AGBL1: variants seen among roughly 807,000 people sequenced by gnomAD.
The protein encoded by AGBL1 is cytosolic carboxypeptidase 4.
In AGBL1, 130 loss-of-function variants were observed where a neutral mutation model predicts 118.9. The observed-to-expected ratio is 1.09, with a 90% CI of 0.95 to 1.26. The LOEUF (loss-of-function observed/expected upper bound fraction) is 1.26. Ranked by LOEUF, AGBL1 falls within the 50% of genes most tolerant of loss-of-function variation. The pLI, the probability that AGBL1 is intolerant of heterozygous loss-of-function variation, is 0.00. For synonymous variants in AGBL1, 555 were observed against 478.9 expected, an observed-to-expected ratio of 1.16 and a Z score of -2.08; for missense variants, 1,584 against 1,298.1, an observed-to-expected ratio of 1.22 and a Z score of -3.38.
At chr15:86,505,645 T>C (rs866465198) in intron 18 of AGBL1, among the ~76,000 whole-genome samples, 14 of 152,168 alleles carry the variant, frequency 9.2e-5, no homozygotes, top group Admixed American at 5.2e-4. Flanking sequence ...TGATAGTTTC[T>C]ATTTGCTGAG....
At chr15:86,735,237 G>C (rs1333900415) in intron 22 of AGBL1, among the ~76,000 whole-genome samples, 1 of 151,884 alleles carries the variant, frequency 6.6e-6, no homozygotes, top group Non-Finnish European at 1.5e-5. Context: ...ACCCGACACC[G>C]TGCCCAGCTA....
At chr15:86,154,963 C>T (rs913825496) in intron 4 of AGBL1, among the ~76,000 whole-genome samples, 1 of 152,052 alleles carries the variant, frequency 6.6e-6, no homozygotes, top group Admixed American at 6.5e-5. Context: ...AATCTCCCTA[C>T]CATATTCCTG....
At chr15:86,835,578 A>G (rs1295233440) in intron 22 of AGBL1, among the ~76,000 whole-genome samples, 1 of 152,182 alleles carries the variant, frequency 6.6e-6, no homozygotes, top group Non-Finnish European at 1.5e-5. Context: ...AGGTTCAAAA[A>G]AAGGGAGGAG....
At chr15:86,453,087 T>G (rs1330637171) in intron 18 of AGBL1, among the ~76,000 whole-genome samples, 2 of 152,216 alleles carry the variant, frequency 1.3e-5, no homozygotes, top group Admixed American at 6.5e-5. Context: ...TTCGCCCTTT[T>G]CTCTATGGTA....
intron 23 of AGBL1, among the ~76,000 whole-genome samples, chr15:86,976,907 G>T (rs1278273004): frequency 2.0e-5 from 3 of 151,864 alleles, no homozygotes; most frequent in Non-Finnish European, 4.4e-5. Flanking sequence ...TCTTCTTAGT[G>T]ATTTATAAAT....
intron 22 of AGBL1, among the ~76,000 whole-genome samples, chr15:86,810,977 A>C (rs2078780692): frequency 6.6e-6 from 1 of 152,218 alleles, no homozygotes; most frequent in African/African-American, 2.4e-5. Flanking sequence ...CAGAGGAAGC[A>C]ACACATGAGC....
At chr15:86,178,297 G>C (rs2077508991) in intron 5 of AGBL1, among the ~76,000 whole-genome samples, 2 of 152,138 alleles carry the variant, frequency 1.3e-5, no homozygotes, top group Non-Finnish European at 2.9e-5. Context: ...CGATGACAGA[G>C]CGAGACTCTG....
intron 21 of AGBL1, among the ~76,000 whole-genome samples, chr15:86,645,251 G>C (rs1368526092): frequency 2.6e-5 from 4 of 152,148 alleles, no homozygotes; most frequent in South Asian, 2.1e-4. Flanking sequence ...TTTTAAAATA[G>C]TTTGGTAAAA....
At chr15:86,436,134 A>C in intron 18 of AGBL1, among the ~76,000 whole-genome samples, 1 of 122,664 alleles carries the variant, frequency 8.2e-6, no homozygotes, top group Non-Finnish European at 1.6e-5. Context: ...TGAAATCCTC[A>C]ATTCTAAGCC....
chr15:86,194,878 T>C (rs1322631714), intron 5 of AGBL1, among the ~76,000 whole-genome samples: 1 of 152,218 alleles, frequency 6.6e-6, no homozygotes, highest in Admixed American at 6.5e-5. Context: ...AGGAAAGATA[T>C]ATATTTCTAC....
intron 19 of AGBL1, among the ~76,000 whole-genome samples, chr15:86,538,783 C>T (rs765858858): frequency 1.1e-4 from 17 of 152,294 alleles, no homozygotes; most frequent in African/African-American, 1.9e-4. Context: ...CAAAGCAGAG[C>T]GGTAAACACA....
chr15:86,776,750 ATG>A (rs10570012), intron 22 of AGBL1, among the ~76,000 whole-genome samples: 10,003 of 139,288 alleles, frequency 0.072, 380 homozygotes, highest in East Asian at 0.16. Context: ...ATATATATAT[ATG>A]TGTGTGTGTG....
At chr15:86,192,659 C>T (rs1306649041) in intron 5 of AGBL1, among the ~76,000 whole-genome samples, 1 of 152,092 alleles carries the variant, frequency 6.6e-6, no homozygotes, top group Non-Finnish European at 1.5e-5. Flanking sequence ...AACATTGTTT[C>T]TAATGCTAAA....
intron 5 of AGBL1, among the ~76,000 whole-genome samples, chr15:86,186,348 C>G (rs1449570544): frequency 6.6e-6 from 1 of 152,190 alleles, no homozygotes; most frequent in African/African-American, 2.4e-5. Context: ...ATATCTTGCA[C>G]ATGTATCCCG....
intron 22 of AGBL1, among the ~76,000 whole-genome samples, chr15:86,825,083 A>T (rs889317589): frequency 1.3e-5 from 2 of 152,004 alleles, no homozygotes; most frequent in African/African-American, 4.8e-5. Context: ...AACAAAACAA[A>T]AAACAAACAG....
intron 24 of AGBL1, among the ~76,000 whole-genome samples, chr15:87,004,030 A>C (rs934181898): frequency 1.3e-5 from 2 of 151,820 alleles, no homozygotes; most frequent in African/African-American, 4.8e-5. Context: ...TTTGCTCTTG[A>C]TTCTCTAGTT....
chr15:87,009,283 C>G (rs2081534860), intron 24 of AGBL1, among the ~76,000 whole-genome samples: 1 of 152,164 alleles, frequency 6.6e-6, no homozygotes. Flanking sequence ...GGCCAATGTA[C>G]AGCTCGGGCT....
At chr15:86,824,551 C>T (rs1277424396) in intron 22 of AGBL1, among the ~76,000 whole-genome samples, 1 of 18,970 alleles carries the variant, frequency 5.3e-5, no homozygotes, top group Non-Finnish European at 8.7e-5. Context: ...TATCAAAATC[C>T]CAGGAAGTTT....
rs367779640 is a variant in AGBL1, at chr15:86,663,021, G to A, written c.2995-11252G>A. ...GAATGAGCTGCTGTGGGGCTTGGAG[G>A]TCTAAGTAAAGATTAGGATTGATAT... On this transcript the variant is annotated intron_variant, in intron 21 of 22. Coordinates refer to ENST00000614907, the MANE Select transcript of AGBL1 (RefSeq NM_001386094.1). 2.3e-3 allele frequency among the ~76,000 whole-genome samples: 346 copies of A among 152,286 alleles called. 3 individuals are homozygous for A. Among genetic ancestry groups the A allele is most frequent in the African/African-American group, 8.0e-3 (334 of 41,552 alleles).
Sources: gnomAD v4.1 joint callset for allele counts (sites outside exome capture counted in the v4.1 genomes callset) on GRCh38, gnomAD v4.1.1 for gene constraint, MANE v1.5 for transcripts, NCBI Gene and HGNC (gene_info 2026-07-23, HGNC 2026-07-21) for gene names.